The following BCAR1 variants were observed in gnomAD, a reference collection of about 807,000 sequenced individuals.
BCAR1 encodes BCAR1 scaffold protein, Cas family member.
In BCAR1, 30 loss-of-function variants were observed where a neutral mutation model predicts 67.6. That is an observed-to-expected ratio of 0.44 (90% confidence interval 0.33 to 0.60). The LOEUF (loss-of-function observed/expected upper bound fraction) is 0.60. Ranked by LOEUF, BCAR1 falls within the 20% of genes least tolerant of loss-of-function variation. The pLI is 0.02. For synonymous variants in BCAR1, 626 were observed against 556.7 expected (o/e 1.12, Z -1.75); for missense variants, 1,313 against 1,222.3 (o/e 1.07, Z -1.11).
chr16:75,232,985 T>C (rs1025863523), intron 6 of BCAR1, among the ~76,000 whole-genome samples: 1 of 152,244 alleles, frequency 6.6e-6, no homozygotes, highest in Non-Finnish European at 1.5e-5. Flanking sequence ...GCTCCCTTAG[T>C]GTTTTTTTAC....
rs1166344033 is a variant in BCAR1 at position 75,229,949 on chromosome 16, G to C, written c.2175C>G (p.Ala725=). The C allele has an allele frequency of 6.3e-7, 1 of 1,599,812 alleles. No homozygotes were observed. The highest frequency in any genetic ancestry group is 8.5e-7 in the Non-Finnish European group (1 of 1,170,650). The change falls in exon 7 of 7, where the codon GCC becomes GCG. Residue 725 remains alanine, a synonymous_variant. Coordinates refer to ENST00000162330, the MANE Select transcript of BCAR1 (RefSeq NM_014567.5). ...IDHDLANWTP[A]QPLAPGRTGG... The stretch of plus-strand genomic sequence containing the variant: ...CTGTTCGCCCCGGGGCCAGGGGTTG[G>C]GCTGGCGTCCAGTTGGCCAGGTCGT...
intron 6 of BCAR1, among the ~76,000 whole-genome samples, chr16:75,232,888 A>G (rs899280640): frequency 2.0e-5 from 3 of 152,156 alleles, no homozygotes; most frequent in Admixed American, 6.5e-5. Flanking sequence ...AAGGTAGGCG[A>G]GGGAGATTTG....
chr16:75,263,830 C>A, intron 1 of BCAR1: 1 of 989,132 alleles, frequency 1.0e-6, no homozygotes, highest in Non-Finnish European at 1.2e-6. Flanking sequence ...TGGAAGCCTC[C>A]GCAGGGCCTC....
At chr16:75,252,177 C>A, upstream of BCAR1, 1 of 1,534,998 alleles carries the variant, frequency 6.5e-7, no homozygotes, top group Non-Finnish European at 8.7e-7. Flanking sequence ...GGAAATGAAG[C>A]CTCAAGCAGG....
At chr16:75,265,682 G>A in intron 1 of BCAR1, 2 of 971,598 alleles carry the variant, frequency 2.1e-6, no homozygotes, top group Non-Finnish European at 2.6e-6. Flanking sequence ...CAGCCGGTGC[G>A]CTCTCCCCCG....
rs367609107 is a variant in BCAR1 at position 75,235,798 on chromosome 16, C to T, written c.1101G>A (p.Pro367=). Residue 367 remains proline, a synonymous_variant, in exon 5 of 7, where the codon CCG becomes CCA. Transcript: ENST00000162330. The part of the protein sequence containing the change: ...PAEDVYDVPP[P]APDLYDVPPG... ...GGGGCACGTCGTAGAGGTCAGGAGCCGGGGGCGGCACGTCATACACGTCCT... is the reference window on the plus strand; with the variant it reads ...GGGGCACGTCGTAGAGGTCAGGAGCTGGGGGCGGCACGTCATACACGTCCT... 2.8e-5 allele frequency: 45 copies of T among 1,592,840 alleles called. No homozygotes were observed. Among genetic ancestry groups the T allele is most frequent in the Non-Finnish European group, 3.3e-5 (39 of 1,169,304 alleles).
intron 1 of BCAR1, among the ~76,000 whole-genome samples, chr16:75,258,883 G>C (rs2077836244): frequency 6.6e-6 from 1 of 152,138 alleles, no homozygotes; most frequent in Non-Finnish European, 1.5e-5. Flanking sequence ...GGCGCAGCAA[G>C]GAGTGTCTGC....
At chr16:75,250,966 C>A in intron 1 of BCAR1, 5 of 985,582 alleles carry the variant, frequency 5.1e-6, no homozygotes, top group Non-Finnish European at 6.0e-6. Context: ...CCGGGTGCTC[C>A]GGCTGCGCAG....
rs767678470 is a variant in BCAR1 at position 75,242,533 on chromosome 16, G to A, written c.570C>T (p.Asp190=). The stretch of plus-strand genomic sequence containing the variant: ...CCATGGACGGGGGGACCTGGTAGAT[G>A]TCATGCCCCATCCCGGCAGAAGGTG... The part of the protein sequence containing the change: ...QVPPSAGMGH[D]IYQVPPSMDT... The change falls in exon 2 of 7, where the codon GAC becomes GAT. Residue 190 remains aspartate (D), a synonymous_variant. Transcript: ENST00000162330. The A allele has an allele frequency of 1.3e-6, 2 of 1,492,346 alleles. No homozygotes were observed. The highest frequency in any genetic ancestry group is 1.9e-4 in the Middle Eastern group (1 of 5,230). The allele number at this position is 1,492,346 out of a possible 1,614,324, so 92.4% of individuals were successfully genotyped here. A position where few individuals can be genotyped will look rare whatever the true frequency, so the allele number is the denominator to read the frequency against.
At chr16:75,248,252 T>C in intron 1 of BCAR1, 1 of 1,483,476 alleles carries the variant, frequency 6.7e-7, no homozygotes, top group Non-Finnish European at 8.9e-7. Context: ...CCACCCCTCC[T>C]GTCCACGCCC....
Position 75,233,834 on chromosome 16 carries a change from C to T in BCAR1, c.2100+12G>A, listed in dbSNP as rs1479852351. 6.3e-7 allele frequency: 1 copy of T among 1,593,466 alleles called. No individual in the cohort carries two copies. Among genetic ancestry groups the T allele is most frequent in the Non-Finnish European group, 8.5e-7 (1 of 1,170,234 alleles). On this transcript the variant is annotated intron_variant, in intron 6 of 6. Coordinates refer to ENST00000162330, the MANE Select transcript of BCAR1 (RefSeq NM_014567.5). ...GGGCAAAGCTGGGCCTTGCTCTGCT[C>T]CGGGGCCTCACCTGCTGCAACTCCA... is the stretch of plus-strand genomic sequence containing the variant.
At chr16:75,230,741 C>T (rs926544889) in intron 6 of BCAR1, among the ~76,000 whole-genome samples, 1 of 152,234 alleles carries the variant, frequency 6.6e-6, no homozygotes, top group African/African-American at 2.4e-5. Context: ...GCGCAAAGAT[C>T]CAAGCCACAA....
chr16:75,230,137 C>G, intron 6 of BCAR1, 114 bp from the exon 7 acceptor site: 1 of 1,310,170 alleles, frequency 7.6e-7, no homozygotes, highest in Non-Finnish European at 1.0e-6. Context: ...ACTCAGAGTG[C>G]ATGGGACTGC....
In BCAR1 at chr16:75,234,160, GACAGACACAC is replaced by G. The variant is rs1167226866; in HGVS notation, c.2011-235_2011-226del. ...AGACTGGCACGTGCAGGGGCAGGCA[GACAGACACAC>G]ACACACACACACACACACACACACA... On this transcript the variant is annotated intron_variant, in intron 5 of 6. Coordinates refer to ENST00000162330, the MANE Select transcript of BCAR1 (RefSeq NM_014567.5). 6.9e-3 allele frequency among the ~76,000 whole-genome samples: 605 copies of G among 87,852 alleles called. 6 individuals carry two copies. Among genetic ancestry groups the G allele is most frequent in the African/African-American group, 0.02 (506 of 25,000 alleles). The allele number at this position is 87,852 out of a possible 152,430, so 57.6% of individuals were successfully genotyped here.
intron 2 of BCAR1, among the ~76,000 whole-genome samples, chr16:75,242,085 C>T (rs1597221731): frequency 6.6e-6 from 1 of 152,186 alleles, no homozygotes; most frequent in South Asian, 2.1e-4. Context: ...GAGGCTGACA[C>T]GTAAACCCAG....
In BCAR1 at chr16:75,265,756, G is replaced by T. The variant is rs993389662; in HGVS notation, c.66+2159C>A. On this transcript the variant is annotated intron_variant, in intron 1 of 6. Transcript: ENST00000393422. ...GAGCCAACGCGGCATCAGGCCCGCAGCGGGCGGGGCGAGGTCGCAGCCGGG... is the reference window on the plus strand; with the variant it reads ...GAGCCAACGCGGCATCAGGCCCGCATCGGGCGGGGCGAGGTCGCAGCCGGG... 3.3e-6 allele frequency: 4 copies of T among 1,194,566 alleles called. No homozygotes were observed. The African/African-American group carries it at 4.8e-5, about 14-fold the overall frequency. The allele number at this position is 1,194,566 out of a possible 1,614,324, so 74.0% of individuals were successfully genotyped here.
At position 75,235,848 on chromosome 16, in the gene BCAR1, G is replaced by A. The variant is rs750316642; in HGVS notation, c.1051C>T (p.Pro351Ser). Residue 351 changes from proline (P) to serine (S), a missense_variant, in exon 5 of 7, where the codon CCC becomes TCC. Around this residue, in one of 2 missense-constraint regions of BCAR1, gnomAD observed 1,272 missense variants for 1,137.5 expected, o/e 1.12. Transcript: ENST00000162330. Reference protein sequence around the residue: ...PARTPLVLAAPPPDSPPAEDV... With the variant: ...PARTPLVLAASPPDSPPAEDV... ...TCGGCCGGCGGGGAGTCTGGAGGGG[G>A]CGCAGCCAGTACCAGTGGGGTGCGG... 5 of 1,568,800 alleles carry A rather than the reference G, an allele frequency of 3.2e-6. No individual in the cohort carries two copies. Among genetic ancestry groups the A allele is most frequent in the Non-Finnish European group, 3.5e-6 (4 of 1,158,776 alleles).
At position 75,242,856 on chromosome 16, in the gene BCAR1, C is replaced by T; in HGVS notation, c.247G>A (p.Ala83Thr). The stretch of plus-strand genomic sequence containing the variant: ...GCATGGAGGCCAGGCTGAGGCTGGG[C>T]CGGGGTGGCGGGAGGGCCGGGGCCA... ...GPGPGPPATP[A>T]QPQPGLHAPA... The change falls in exon 2 of 7, where the codon GCC becomes ACC. Residue 83 changes from alanine to threonine, a missense_variant. Transcript: ENST00000162330. 2 of 1,608,890 alleles carry T rather than the reference C, an allele frequency of 1.2e-6. No homozygotes were observed. The highest frequency in any genetic ancestry group is 2.2e-5 in the South Asian group (2 of 90,810).
At chr16:75,233,473 A>G (rs1267493747) in intron 6 of BCAR1, among the ~76,000 whole-genome samples, 4 of 152,228 alleles carry the variant, frequency 2.6e-5, no homozygotes, top group Non-Finnish European at 5.9e-5. Flanking sequence ...ACGCCATGGC[A>G]GATGCTGGGA....
Sources: allele counts gnomAD v4.1 joint callset (sites outside exome capture counted in the v4.1 genomes callset), GRCh38; gene constraint gnomAD v4.1.1; regional missense constraint gnomAD v4.1.1; transcripts MANE v1.5; gene names NCBI Gene and HGNC (gene_info 2026-07-23, HGNC 2026-07-21).